Variants in WDR77 observed in about 807,000 individuals in gnomAD.
The protein encoded by WDR77 is WD repeat domain 77.
In WDR77, 31 loss-of-function variants were observed where a neutral mutation model predicts 44.0. The ratio of observed to expected loss-of-function variants is 0.70; its 90% CI spans 0.53 to 0.95. The LOEUF is 0.95. Among genes scored for constraint, WDR77 ranks in the 40% least tolerant of loss-of-function variants. The pLI, the probability that WDR77 is intolerant of heterozygous loss-of-function variation, is 0.00. For synonymous variants in WDR77, 186 were observed against 165.7 expected (o/e 1.12, Z -0.94); for missense variants, 390 against 423.9 (o/e 0.92, Z 0.70).
chr1:111,445,526 C>T (rs1345342442), intron 4 of WDR77, among the ~76,000 whole-genome samples: 5 of 152,046 alleles, frequency 3.3e-5, no homozygotes, highest in African/African-American at 1.2e-4. Flanking sequence ...TTTGGGAGGC[C>T]AAGGCAGGAG....
chr1:111,446,742 G>A (rs1231708877), intron 4 of WDR77: 4 of 195,418 alleles, frequency 2.0e-5, no homozygotes, highest in East Asian at 1.3e-4. Context: ...GAAAAGGACC[G>A]AGTTTGAGCC....
At chr1:111,441,996 A>G in intron 9 of WDR77, 29 bp downstream of exon 9, 3 of 1,608,314 alleles carry the variant, frequency 1.9e-6, no homozygotes, top group Non-Finnish European at 1.7e-6. Context: ...CCCTTCCCTG[A>G]TTCCCAAAGG....
intron 4 of WDR77, 58 bp from the exon 5 acceptor site, chr1:111,444,182 G>A: frequency 6.5e-7 from 1 of 1,550,346 alleles, no homozygotes; most frequent in Admixed American, 1.7e-5. Flanking sequence ...ATTACTAGAG[G>A]GCCAGCCCAG....
Position 111,447,425 on chromosome 1 carries a change from AG to A in WDR77, c.443+9del. 6.2e-7 allele frequency: 1 copy of A among 1,614,084 alleles called. No homozygotes were observed. The highest frequency in any genetic ancestry group is 8.5e-7 in the Non-Finnish European group (1 of 1,179,962). On this transcript the variant is annotated intron_variant, in intron 3 of 9. Transcript: ENST00000235090. ...GCTTAGAGACAGGAGCAATGAGAAC[AG>A]GGACCCACCAGATGTCTTTGCTACC...
At chr1:111,446,052 T>C (rs1383058064) in intron 4 of WDR77, among the ~76,000 whole-genome samples, 1 of 152,222 alleles carries the variant, frequency 6.6e-6, no homozygotes, top group African/African-American at 2.4e-5. Flanking sequence ...ATTACAGGCG[T>C]TAAGCCACTG....
chr1:111,445,626 A>G (rs1014777174), intron 4 of WDR77, among the ~76,000 whole-genome samples: 2 of 152,196 alleles, frequency 1.3e-5, no homozygotes, highest in Non-Finnish European at 2.9e-5. Context: ...AAGGATTTGG[A>G]ATTCAGCAGG....
At chr1:111,443,760 A>G (rs1652909233) in intron 6 of WDR77, 107 bp downstream of exon 6, 1 of 1,567,364 alleles carries the variant, frequency 6.4e-7, no homozygotes, top group Non-Finnish European at 8.6e-7. Context: ...CTCATGTCAC[A>G]GTAACTACAC....
In WDR77 at chr1:111,445,808, G is replaced by T. The variant is rs146514739; in HGVS notation, c.493+1287C>A. The stretch of plus-strand genomic sequence containing the variant: ...TTCCCTGAGACAGTTTCACTCTGTT[G>T]CCCAGGCTGGAGTGCAGTGGCGTGA... On this transcript the variant is annotated intron_variant, in intron 4 of 9. Transcript: ENST00000235090. Among the ~76,000 whole-genome samples the T allele has an allele frequency of 3.7e-3, 562 of 151,792 alleles. 5 individuals are homozygous for T. Among genetic ancestry groups the T allele is most frequent in the African/African-American group, 0.013 (532 of 41,380 alleles).
chr1:111,441,636 T>C (rs1264428461), intron 9 of WDR77: 2 of 1,261,822 alleles, frequency 1.6e-6, no homozygotes, highest in Non-Finnish European at 2.0e-6. Flanking sequence ...TGAGGGGCAG[T>C]AACAGGCAGC....
In WDR77 at chr1:111,441,126, A is replaced by G. The variant is rs1652792027; in HGVS notation, c.*104T>C. On this transcript the variant is annotated 3_prime_UTR_variant, in exon 10 of 10. Transcript: ENST00000235090. ...TGCCTATTAACGGCACAGATCTAGC[A>G]TATCAACATACTATAGAAGGCTCCT... 11 of 1,221,976 alleles carry G rather than the reference A, an allele frequency of 9.0e-6. No individual in the cohort carries two copies. Among genetic ancestry groups the G allele is most frequent in the Admixed American group, 3.0e-5 (1 of 32,932 alleles). 75.7% of individuals were successfully genotyped at this position (1,221,976 alleles called of 1,614,324 possible).
intron 9 of WDR77, among the ~76,000 whole-genome samples, 156 bp downstream of exon 9, chr1:111,441,869 G>A (rs1361576562): frequency 6.6e-6 from 1 of 152,098 alleles, no homozygotes; most frequent in South Asian, 2.1e-4. Context: ...GAATGGACAG[G>A]GTCAACAGCC....
chr1:111,442,064 T>C lies in WDR77; in HGVS notation c.830A>G (p.Asp277Gly). 3 of 1,614,046 alleles carry C rather than the reference T, an allele frequency of 1.9e-6. No homozygotes were observed. ...TGAGTCCAGCACAGCAAGTGAGCAGTCTTCACTGAGAGAGGCCAGGAAGGG... is the reference window on the plus strand; with the variant it reads ...TGAGTCCAGCACAGCAAGTGAGCAGCCTTCACTGAGAGAGGCCAGGAAGGG... Reference protein sequence around the residue: ...SVPFLASLSEDCSLAVLDSSL... With the variant: ...SVPFLASLSEGCSLAVLDSSL... Residue 277 changes from aspartate to glycine, a missense_variant, in exon 9 of 10, where the codon GAC (aspartate) becomes GGC (glycine). Coordinates refer to ENST00000235090, the MANE Select transcript of WDR77 (RefSeq NM_024102.4).
In WDR77 at chr1:111,448,599, A is replaced by G; in HGVS notation, c.301+20T>C. 1.2e-6 allele frequency: 2 copies of G among 1,614,020 alleles called. No homozygotes were observed. The highest frequency in any genetic ancestry group is 1.7e-6 in the Non-Finnish European group (2 of 1,179,982). On this transcript the variant is annotated intron_variant, in intron 2 of 9. Coordinates refer to ENST00000235090, the MANE Select transcript of WDR77 (RefSeq NM_024102.4). ...CCGTTCCACCCGGGGGTGGGGGTGGATAATGGGATAGTGACTCACCTGAAT... is the reference window on the plus strand; with the variant it reads ...CCGTTCCACCCGGGGGTGGGGGTGGGTAATGGGATAGTGACTCACCTGAAT...
intron 3 of WDR77, 142 bp downstream of exon 3, chr1:111,447,293 C>A: frequency 6.8e-7 from 1 of 1,477,686 alleles, no homozygotes; most frequent in South Asian, 1.2e-5. Flanking sequence ...ACTGCAAAAT[C>A]CCTAAGGAAA....
intron 4 of WDR77, among the ~76,000 whole-genome samples, chr1:111,445,449 C>T (rs1190725920): frequency 6.6e-6 from 1 of 152,192 alleles, no homozygotes; most frequent in Non-Finnish European, 1.5e-5. Flanking sequence ...AAGATGAATA[C>T]ATGGTTCCTC....
chr1:111,445,016 C>A (rs1169830036), intron 4 of WDR77, among the ~76,000 whole-genome samples: 1 of 152,192 alleles, frequency 6.6e-6, no homozygotes, highest in African/African-American at 2.4e-5. Flanking sequence ...GTAGCGTTAA[C>A]CTGCGAATCT....
intron 2 of WDR77, 125 bp from the exon 3 acceptor site, chr1:111,447,701 A>G (rs960347424): frequency 4.1e-5 from 46 of 1,132,292 alleles, no homozygotes; most frequent in East Asian, 9.8e-5. Flanking sequence ...GTAAAAGCAA[A>G]GTCCACATCA....
At chr1:111,444,313 A>G (rs1652933533) in intron 4 of WDR77, among the ~76,000 whole-genome samples, 189 bp from the exon 5 acceptor site, 1 of 152,142 alleles carries the variant, frequency 6.6e-6, no homozygotes, top group Non-Finnish European at 1.5e-5. Context: ...ATAAAACCTA[A>G]AAAGCCTTGT....
intron 4 of WDR77, among the ~76,000 whole-genome samples, chr1:111,446,314 T>C (rs558176849): frequency 2.0e-5 from 3 of 152,272 alleles, no homozygotes; most frequent in African/African-American, 7.2e-5. Flanking sequence ...GCTCCCAAGA[T>C]AAAGTTAACT....
Sources: gnomAD v4.1 joint callset for allele counts (sites outside exome capture counted in the v4.1 genomes callset) on GRCh38, gnomAD v4.1.1 for gene constraint, MANE v1.5 for transcripts, NCBI Gene and HGNC (gene_info 2026-07-23, HGNC 2026-07-21) for gene names.